The following MET variants were observed in gnomAD, a reference collection of about 807,000 sequenced individuals.
MET encodes hepatocyte growth factor receptor.
Under a neutral mutation model 133.1 loss-of-function variants are expected in MET, and 48 were observed. The observed-to-expected ratio is 0.36, with a 90% CI of 0.29 to 0.46. MET has a LOEUF of 0.46. MET is among the 20% of genes least tolerant of loss of function. The pLI, the probability that MET is intolerant of heterozygous loss-of-function variation, is 1.00. For missense variants in MET, 1,442 were observed against 1,695.9 expected, an observed-to-expected ratio of 0.85 and a Z score of 2.63; for synonymous variants, 628 against 616.5, an observed-to-expected ratio of 1.02 and a Z score of -0.28.
intron 2 of MET, among the ~76,000 whole-genome samples, chr7:116,723,274 C>T (rs1232436183): frequency 3.4e-5 from 5 of 145,114 alleles, no homozygotes; most frequent in Non-Finnish European, 6.0e-5. Flanking sequence ...TTGATCGCAT[C>T]GGCTCCTGAG....
intron 11 of MET, among the ~76,000 whole-genome samples, 166 bp from the exon 12 acceptor site, chr7:116,769,479 T>C (rs1018224017): frequency 2.6e-5 from 4 of 152,140 alleles, no homozygotes; most frequent in African/African-American, 9.7e-5. Context: ...ATGGTCATGC[T>C]CCCCTTTAGC....
chr7:116,757,862 G>A lies in MET; in HGVS notation c.2102+88G>A, dbSNP rs759467172. The stretch of plus-strand genomic sequence containing the variant: ...TAAGCAGATTGTTTTGTGTGTGTGT[G>A]TGGAGAAGAAAAATCAAGATGTTTA... On this transcript the variant is annotated intron_variant, in intron 8 of 20. Transcript: ENST00000397752. 3.8e-5 allele frequency: 55 copies of A among 1,434,936 alleles called. No homozygotes were observed. The South Asian group carries it at 4.0e-4, about 10-fold the overall frequency. 88.9% of individuals were successfully genotyped at this position (1,434,936 alleles called of 1,614,324 possible).
intron 2 of MET, among the ~76,000 whole-genome samples, chr7:116,709,825 T>C (rs1791928546): frequency 6.6e-6 from 1 of 152,118 alleles, no homozygotes; most frequent in Non-Finnish European, 1.5e-5. Flanking sequence ...ATGTATTCAA[T>C]AATATGAGAA....
At chr7:116,736,252 G>A (rs569326210) in intron 3 of MET, among the ~76,000 whole-genome samples, 59 of 152,106 alleles carry the variant, frequency 3.9e-4, no homozygotes, top group Non-Finnish European at 6.6e-4. Flanking sequence ...AAGTAGATTA[G>A]TGGTAGTCAA....
At chr7:116,749,093 C>G (rs1243340837) in intron 5 of MET, among the ~76,000 whole-genome samples, 2 of 152,208 alleles carry the variant, frequency 1.3e-5, no homozygotes, top group Admixed American at 1.3e-4. Flanking sequence ...GGACTCCTCC[C>G]TAACTCATTT....
rs761237537 is a variant in MET, at chr7:116,795,789, C to A, written c.3933C>A (p.Pro1311=). Residue 1311 remains proline, a splice_region_variant and synonymous_variant, in exon 20 of 21, where the codon CCC becomes CCA. Transcript: ENST00000397752. ...TACAACCCGAATACTGCCCAGACCC[C>A]TTGTAAGTAGTCTTTCTGTACCTCT... is the stretch of plus-strand genomic sequence containing the variant. The part of the protein sequence containing the change: ...RLLQPEYCPD[P]LYEVMLKCWH... 1 of 1,614,180 alleles carries A rather than the reference C, an allele frequency of 6.2e-7. No individual in the cohort carries two copies. The highest frequency in any genetic ancestry group is 8.5e-7 in the Non-Finnish European group (1 of 1,180,022).
chr7:116,710,885 A>G (rs917539056), intron 2 of MET, among the ~76,000 whole-genome samples: 11 of 152,176 alleles, frequency 7.2e-5, no homozygotes. Context: ...ATAAGTAAAT[A>G]TTAATTATTT....
chr7:116,733,232 C>T (rs892911514), intron 3 of MET, among the ~76,000 whole-genome samples: 26 of 151,904 alleles, frequency 1.7e-4, no homozygotes, highest in Non-Finnish European at 1.5e-4. Context: ...TTTTAATTTA[C>T]ATCAATGGCA....
At chr7:116,774,550 C>A (rs1393681568) in intron 14 of MET, among the ~76,000 whole-genome samples, 1 of 152,144 alleles carries the variant, frequency 6.6e-6, no homozygotes, top group African/African-American at 2.4e-5. Flanking sequence ...TGAGACGAGG[C>A]AATTGCTCAA....
intron 5 of MET, among the ~76,000 whole-genome samples, chr7:116,743,977 A>AAGCAAT (rs1347736125): frequency 6.6e-6 from 1 of 152,222 alleles, no homozygotes; most frequent in Non-Finnish European, 1.5e-5. Context: ...AACAAACAGA[A>AAGCAAT]AGCAATAGCA....
At chr7:116,792,786 G>A (rs139529354) in intron 19 of MET, among the ~76,000 whole-genome samples, 5 of 152,212 alleles carry the variant, frequency 3.3e-5, no homozygotes, top group Admixed American at 2.0e-4. Flanking sequence ...TACATGTAGC[G>A]TAGACTGTCA....
intron 1 of MET, among the ~76,000 whole-genome samples, chr7:116,697,635 T>A (rs1200347824): frequency 6.6e-6 from 1 of 152,212 alleles, no homozygotes; most frequent in Non-Finnish European, 1.5e-5. Flanking sequence ...ATTCAGTATC[T>A]ATTTGTTTAA....
At chr7:116,753,128 G>A (rs1012209640) in intron 5 of MET, among the ~76,000 whole-genome samples, 2 of 152,220 alleles carry the variant, frequency 1.3e-5, no homozygotes, top group African/African-American at 4.8e-5. Context: ...AAAGGGGTTT[G>A]ATAACGAGGG....
At chr7:116,775,857 C>T (rs1224107635) in intron 15 of MET, among the ~76,000 whole-genome samples, 1 of 152,152 alleles carries the variant, frequency 6.6e-6, no homozygotes, top group African/African-American at 2.4e-5. Context: ...TGGACAGCAT[C>T]AGAAGACAGA....
At chr7:116,698,460 G>C (rs1480021172) in intron 1 of MET, among the ~76,000 whole-genome samples, 1 of 152,122 alleles carries the variant, frequency 6.6e-6, no homozygotes, top group Non-Finnish European at 1.5e-5. Context: ...AAAACAATAG[G>C]TTAACTATAG....
intron 2 of MET, among the ~76,000 whole-genome samples, chr7:116,714,528 T>G (rs1475335367): frequency 6.6e-6 from 1 of 152,154 alleles, no homozygotes; most frequent in Non-Finnish European, 1.5e-5. Context: ...GCCAGTACAG[T>G]GTTTTCAGAA....
In MET at chr7:116,682,691, A is replaced by C. The variant is rs572396298; in HGVS notation, c.-15+10114A>C. 5.3e-5 allele frequency among the ~76,000 whole-genome samples: 8 copies of C among 152,286 alleles called. No individual in the cohort carries two copies. In the South Asian group the frequency reaches 1.7e-3, roughly 32 times the overall value. ...TAAGGATGACCTGGAGTGAACTTTCATTCTTGTTTTGGTTCTTTCCCATTT... is the reference window on the plus strand; with the variant it reads ...TAAGGATGACCTGGAGTGAACTTTCCTTCTTGTTTTGGTTCTTTCCCATTT... On this transcript the variant is annotated intron_variant, in intron 1 of 20. Coordinates refer to ENST00000397752, the MANE Select transcript of MET (RefSeq NM_000245.4).
At chr7:116,780,193 T>TCA (rs1795113855) in intron 17 of MET, among the ~76,000 whole-genome samples, 2 of 152,066 alleles carry the variant, frequency 1.3e-5, no homozygotes, top group Non-Finnish European at 2.9e-5. Flanking sequence ...GACCTAAAAG[T>TCA]CACCAGGCCA....
intron 5 of MET, among the ~76,000 whole-genome samples, chr7:116,749,954 A>G (rs187342158): frequency 6.6e-6 from 1 of 152,308 alleles, no homozygotes; most frequent in Non-Finnish European, 1.5e-5. Flanking sequence ...ATGGAGAAAC[A>G]TTCCATGCTC....
Sources: allele counts gnomAD v4.1 joint callset (sites outside exome capture counted in the v4.1 genomes callset), GRCh38; gene constraint gnomAD v4.1.1; transcripts MANE v1.5; gene names NCBI Gene and HGNC (gene_info 2026-07-23, HGNC 2026-07-21).